Variants in PRKAA2 observed in about 807,000 individuals in gnomAD.
The protein encoded by PRKAA2 is 5'-AMP-activated protein kinase catalytic subunit alpha-2.
PRKAA2 carries 40 observed loss-of-function variants against 56.3 expected under a neutral mutation model. The observed-to-expected ratio is 0.71, with a 90% CI of 0.55 to 0.92. PRKAA2 has a LOEUF of 0.92. Ranked by LOEUF, PRKAA2 falls within the 40% of genes least tolerant of loss-of-function variation. The pLI is 0.00. For missense variants in PRKAA2, 542 were observed against 686.9 expected (o/e 0.79, Z 2.36); for synonymous variants, 214 against 234.2 (o/e 0.91, Z 0.79).
rs1189619070 is a variant in PRKAA2 at position 56,708,393 on chromosome 1, C to G, written c.*680C>G. On this transcript the variant is annotated 3_prime_UTR_variant, in exon 9 of 9. Coordinates refer to ENST00000371244, the MANE Select transcript of PRKAA2 (RefSeq NM_006252.4). ...AGATTTCCCTGAATAATATATTTAT[C>G]TTAAGAGCCTTCAAGTTTCAAATTA... The G allele has an allele frequency of 6.6e-6, 1 of 152,184 alleles. No individual in the cohort carries two copies. 9.4% of individuals were successfully genotyped at this position (152,184 alleles called of 1,614,324 possible). A position where few individuals can be genotyped will look rare whatever the true frequency, so the allele number is the denominator to read the frequency against.
At chr1:56,706,910 A>G (rs1644335485) in intron 8 of PRKAA2, among the ~76,000 whole-genome samples, 1 of 152,258 alleles carries the variant, frequency 6.6e-6, no homozygotes, top group Admixed American at 6.5e-5. Flanking sequence ...TCAACTATGT[A>G]TGGTAGTGTT....
At chr1:56,693,733 T>C in intron 4 of PRKAA2, 32 bp from the exon 5 acceptor site, 1 of 1,446,160 alleles carries the variant, frequency 6.9e-7, no homozygotes, top group South Asian at 1.3e-5. Flanking sequence ...TAAAAATATC[T>C]AGCACCAAGT....
At chr1:56,696,469 A>G (rs953913029) in intron 6 of PRKAA2, among the ~76,000 whole-genome samples, 7 of 151,990 alleles carry the variant, frequency 4.6e-5, no homozygotes, top group Non-Finnish European at 1.0e-4. Context: ...TTTCTGTTTT[A>G]TCAACATTTT....
In PRKAA2 at chr1:56,645,372, GC is replaced by G. The variant is rs1646630938; in HGVS notation, c.-14del. On this transcript the variant is annotated 5_prime_UTR_variant, in exon 1 of 9. Coordinates refer to ENST00000371244, the MANE Select transcript of PRKAA2 (RefSeq NM_006252.4). ...GCGGAGCGGCAGGCGGTGGAGCGAG[GC>G]CGCGCGCGCCGAAGATGGCTGAGAA... 6.8e-7 allele frequency: 1 copy of G among 1,460,380 alleles called. No homozygotes were observed. 90.5% of individuals were successfully genotyped at this position (1,460,380 alleles called of 1,614,324 possible). A position where few individuals can be genotyped will look rare whatever the true frequency, so the allele number is the denominator to read the frequency against.
chr1:56,689,712 T>G (rs916566330), intron 2 of PRKAA2, among the ~76,000 whole-genome samples: 1 of 152,242 alleles, frequency 6.6e-6, no homozygotes, highest in South Asian at 2.1e-4. Context: ...AGAGCAAGAC[T>G]CTGTCTCAAA....
At chr1:56,645,647 G>C (rs893964522) in intron 1 of PRKAA2, among the ~76,000 whole-genome samples, 166 bp downstream of exon 1, 4 of 151,844 alleles carry the variant, frequency 2.6e-5, no homozygotes, top group Non-Finnish European at 2.9e-5. Flanking sequence ...GCACCGCCTC[G>C]CCTGGCACCG....
intron 1 of PRKAA2, among the ~76,000 whole-genome samples, chr1:56,660,694 T>C (rs1449287650): frequency 6.6e-5 from 10 of 152,298 alleles, no homozygotes; most frequent in African/African-American, 2.4e-4. Context: ...ATTTTGAGCT[T>C]GGGCGTTAGA....
chr1:56,678,001 C>G (rs1644125940), intron 2 of PRKAA2, among the ~76,000 whole-genome samples: 1 of 152,040 alleles, frequency 6.6e-6, no homozygotes, highest in South Asian at 2.1e-4. Context: ...GTTTTCTTGC[C>G]TCCATTTCTA....
At chr1:56,706,872 G>C (rs1644335269) in intron 8 of PRKAA2, among the ~76,000 whole-genome samples, 1 of 152,166 alleles carries the variant, frequency 6.6e-6, no homozygotes, top group South Asian at 2.1e-4. Context: ...TTTAAACGAA[G>C]CATTTAAATT....
Position 56,707,858 on chromosome 1 carries a change from C to A in PRKAA2, c.*145C>A. Reference sequence around the variant, plus strand: ...GGGGCACACAATGCTATTGAAATTACTGAAAACAAAATATCTGACATCTTA... The same window carrying A: ...GGGGCACACAATGCTATTGAAATTAATGAAAACAAAATATCTGACATCTTA... On this transcript the variant is annotated 3_prime_UTR_variant, in exon 9 of 9. Transcript: ENST00000371244. The A allele has an allele frequency of 1.3e-6, 1 of 769,644 alleles. No individual in the cohort carries two copies. The highest frequency in any genetic ancestry group is 2.1e-6 in the Non-Finnish European group (1 of 482,756). The allele number at this position is 769,644 out of a possible 1,614,324, so 47.7% of individuals were successfully genotyped here. A position where few individuals can be genotyped will look rare whatever the true frequency, so the allele number is the denominator to read the frequency against.
rs1644351589 is a variant in PRKAA2 at position 56,708,954 on chromosome 1, C to T, written c.*1241C>T. On this transcript the variant is annotated 3_prime_UTR_variant, in exon 9 of 9. Transcript: ENST00000371244. Reference sequence around the variant, plus strand: ...CCAGTTTTTTTGTTTGTTTGTTTTGCTTTGTGCAGGTTTTCTTTAAGATTA... The same window carrying T: ...CCAGTTTTTTTGTTTGTTTGTTTTGTTTTGTGCAGGTTTTCTTTAAGATTA... The T allele has an allele frequency of 6.6e-6, 1 of 151,248 alleles. No homozygotes were observed. The highest frequency in any genetic ancestry group is 1.5e-5 in the Non-Finnish European group (1 of 67,814). The allele number at this position is 151,248 out of a possible 1,614,324, so 9.4% of individuals were successfully genotyped here. A position where few individuals can be genotyped will look rare whatever the true frequency, so the allele number is the denominator to read the frequency against.
intron 1 of PRKAA2, among the ~76,000 whole-genome samples, chr1:56,651,145 C>T (rs1289736578): frequency 6.6e-6 from 1 of 152,058 alleles, no homozygotes; most frequent in African/African-American, 2.4e-5. Context: ...CTTTACAATG[C>T]TATCATTAAA....
intron 1 of PRKAA2, among the ~76,000 whole-genome samples, chr1:56,666,730 G>C (rs1644038716): frequency 6.6e-6 from 1 of 152,100 alleles, no homozygotes; most frequent in Admixed American, 6.6e-5. Flanking sequence ...AGTGAATGAT[G>C]TTACAGGAAA....
Position 56,708,189 on chromosome 1 carries a change from A to G in PRKAA2, c.*476A>G, listed in dbSNP as rs1454938906. 1 of 158,502 alleles carries G rather than the reference A, an allele frequency of 6.3e-6. No homozygotes were observed. Among genetic ancestry groups the G allele is most frequent in the East Asian group, 1.9e-4 (1 of 5,366 alleles). The allele number at this position is 158,502 out of a possible 1,614,324, so 9.8% of individuals were successfully genotyped here. On this transcript the variant is annotated 3_prime_UTR_variant, in exon 9 of 9. Coordinates refer to ENST00000371244, the MANE Select transcript of PRKAA2 (RefSeq NM_006252.4). ...GTAAAAGAACCACGAGTAAGATATT[A>G]TTTAAATGTTGAAATCTTAAAAACC...
At chr1:56,653,242 T>G (rs1643915438) in intron 1 of PRKAA2, among the ~76,000 whole-genome samples, 1 of 150,276 alleles carries the variant, frequency 6.7e-6, no homozygotes, top group South Asian at 2.1e-4. Context: ...GCTATTTAGG[T>G]TTCTCTTGCT....
intron 1 of PRKAA2, among the ~76,000 whole-genome samples, chr1:56,673,848 A>G (rs1644094566): frequency 6.6e-6 from 1 of 152,198 alleles, no homozygotes; most frequent in Non-Finnish European, 1.5e-5. Context: ...ACATACTATA[A>G]CAGTTTGAAA....
chr1:56,649,376 GA>G (rs1372278572), intron 1 of PRKAA2, among the ~76,000 whole-genome samples: 1 of 152,138 alleles, frequency 6.6e-6, no homozygotes, highest in Non-Finnish European at 1.5e-5. Context: ...AAGCTAATAG[GA>G]GATGATGTAA....
At chr1:56,689,125 G>A (rs1400429108) in intron 2 of PRKAA2, among the ~76,000 whole-genome samples, 2 of 151,922 alleles carry the variant, frequency 1.3e-5, no homozygotes, top group African/African-American at 4.8e-5. Flanking sequence ...CTTTTCTTTT[G>A]TGCCCCATCT....
In PRKAA2 at chr1:56,693,751, A is replaced by T. The variant is rs756890784; in HGVS notation, c.476-14A>T. ...AAATATCTAGCACCAAGTAAACATT[A>T]CTTTTATTTTTAGGATTATCTAATA... is the stretch of plus-strand genomic sequence containing the variant. On this transcript the variant is annotated splice_polypyrimidine_tract_variant and intron_variant, in intron 4 of 8. Coordinates refer to ENST00000371244, the MANE Select transcript of PRKAA2 (RefSeq NM_006252.4). 3 of 1,516,206 alleles carry T rather than the reference A, an allele frequency of 2.0e-6. No individual in the cohort carries two copies. The highest frequency in any genetic ancestry group is 2.7e-6 in the Non-Finnish European group (3 of 1,107,930). The allele number at this position is 1,516,206 out of a possible 1,614,324, so 93.9% of individuals were successfully genotyped here.
Sources: gnomAD v4.1 joint callset for allele counts (sites outside exome capture counted in the v4.1 genomes callset) on GRCh38, gnomAD v4.1.1 for gene constraint, MANE v1.5 for transcripts, NCBI Gene and HGNC (gene_info 2026-07-23, HGNC 2026-07-21) for gene names.